The following GNG12 variants were observed in gnomAD, a reference collection of about 807,000 sequenced individuals.
GNG12 encodes the protein guanine nucleotide-binding protein G(I)/G(S)/G(O) subunit gamma-12.
For missense variants in GNG12, 69 were observed against 83.8 expected, an observed-to-expected ratio of 0.82 and a Z score of 0.69; for synonymous variants, 28 against 29.7, an observed-to-expected ratio of 0.94 and a Z score of 0.19.
At chr1:67,721,726 GA>G (rs1646357287) in intron 2 of GNG12, among the ~76,000 whole-genome samples, 1 of 152,268 alleles carries the variant, frequency 6.6e-6, no homozygotes, top group Non-Finnish European at 1.5e-5. Context: ...CCTAAGAAAA[GA>G]GGCAGAATAT....
chr1:67,711,259 C>T (rs1646293829), intron 2 of GNG12, among the ~76,000 whole-genome samples: 1 of 152,190 alleles, frequency 6.6e-6, no homozygotes, highest in African/African-American at 2.4e-5. Flanking sequence ...TGACTTCCCT[C>T]TACCTTTCTC....
chr1:67,788,601 G>A (rs926709208), intron 1 of GNG12, among the ~76,000 whole-genome samples: 2 of 151,814 alleles, frequency 1.3e-5, no homozygotes, highest in Non-Finnish European at 2.9e-5. Context: ...TTGGCCTCCC[G>A]AAGCATAAGG....
chr1:67,712,826 T>C (rs925420500), intron 2 of GNG12, among the ~76,000 whole-genome samples: 2 of 120,006 alleles, frequency 1.7e-5, no homozygotes, highest in Non-Finnish European at 3.5e-5. Flanking sequence ...CTCTACCATG[T>C]GGTTCTTTTT....
At chr1:67,718,450 C>T (rs1050570622) in intron 2 of GNG12, among the ~76,000 whole-genome samples, 2 of 151,862 alleles carry the variant, frequency 1.3e-5, no homozygotes, top group Non-Finnish European at 2.9e-5. Context: ...GTTTTTTGTA[C>T]TAAACCTATG....
intron 2 of GNG12, among the ~76,000 whole-genome samples, chr1:67,745,160 T>C (rs1646501246): frequency 6.6e-6 from 1 of 152,232 alleles, no homozygotes; most frequent in Non-Finnish European, 1.5e-5. Context: ...AACTTTCTCT[T>C]GTATGGGTAC....
chr1:67,729,540 T>A (rs1262950152), intron 2 of GNG12, among the ~76,000 whole-genome samples: 2 of 152,124 alleles, frequency 1.3e-5, no homozygotes, highest in Non-Finnish European at 2.9e-5. Context: ...CCCTTCCGAG[T>A]CCCCTGCATC....
At chr1:67,793,226 A>G (rs969622990) in intron 1 of GNG12, among the ~76,000 whole-genome samples, 1 of 152,220 alleles carries the variant, frequency 6.6e-6, no homozygotes, top group Non-Finnish European at 1.5e-5. Context: ...TTTGAGAAAT[A>G]AGTCAGACTC....
chr1:67,760,742 C>T (rs1229232637), intron 2 of GNG12, among the ~76,000 whole-genome samples: 1 of 152,178 alleles, frequency 6.6e-6, no homozygotes, highest in Non-Finnish European at 1.5e-5. Flanking sequence ...GACTGGGCAC[C>T]TCCTGAGTAA....
intron 2 of GNG12, among the ~76,000 whole-genome samples, chr1:67,736,236 C>T (rs1473637410): frequency 6.6e-6 from 1 of 152,078 alleles, no homozygotes; most frequent in Non-Finnish European, 1.5e-5. Context: ...ACACAACGCC[C>T]ACCTCTTCTT....
intron 1 of GNG12, among the ~76,000 whole-genome samples, chr1:67,832,126 G>C (rs1647050140): frequency 6.6e-6 from 1 of 152,208 alleles, no homozygotes; most frequent in African/African-American, 2.4e-5. Context: ...AAAGACAGCA[G>C]GGGGGAGAGG....
chr1:67,797,633 G>A (rs558715860), intron 1 of GNG12, among the ~76,000 whole-genome samples: 2 of 152,294 alleles, frequency 1.3e-5, no homozygotes, highest in South Asian at 4.1e-4. Context: ...TCTGACTTTT[G>A]AAAAATCCCA....
chr1:67,703,818 A>G lies in GNG12; in HGVS notation c.*1633T>C, dbSNP rs1646229092. 1.3e-5 allele frequency: 2 copies of G among 152,256 alleles called. No homozygotes were observed. Among genetic ancestry groups the G allele is most frequent in the African/African-American group, 4.8e-5 (2 of 41,476 alleles). The allele number at this position is 152,256 out of a possible 1,614,324, so 9.4% of individuals were successfully genotyped here. A position where few individuals can be genotyped will look rare whatever the true frequency, so the allele number is the denominator to read the frequency against. On this transcript the variant is annotated 3_prime_UTR_variant, in exon 4 of 4. Transcript: ENST00000370982. Reference sequence around the variant, plus strand: ...TGCATTTGTCCACCCTAAATGAGCTAATACTCAAAGCCCAGACATTAGATT... The same window carrying G: ...TGCATTTGTCCACCCTAAATGAGCTGATACTCAAAGCCCAGACATTAGATT...
chr1:67,807,346 C>G (rs1220896749), intron 1 of GNG12, among the ~76,000 whole-genome samples: 1 of 151,362 alleles, frequency 6.6e-6, no homozygotes, highest in East Asian at 1.9e-4. Context: ...AGATCTAAAA[C>G]CAGTAATTTA....
chr1:67,813,408 C>T (rs951611607), intron 1 of GNG12, among the ~76,000 whole-genome samples: 3 of 152,150 alleles, frequency 2.0e-5, no homozygotes, highest in African/African-American at 7.2e-5. Flanking sequence ...AATTGGTATG[C>T]TTCCTTTTAA....
At chr1:67,777,383 T>A in intron 2 of GNG12, 75 bp downstream of exon 2, 1 of 201,216 alleles carries the variant, frequency 5.0e-6, no homozygotes, top group Non-Finnish European at 8.9e-6. Context: ...TAGGGAAGCA[T>A]CTAACTTAGA....
intron 2 of GNG12, among the ~76,000 whole-genome samples, chr1:67,728,872 T>C (rs1207542139): frequency 6.6e-6 from 1 of 152,202 alleles, no homozygotes; most frequent in Non-Finnish European, 1.5e-5. Flanking sequence ...GACAGCAAGT[T>C]TTCTGGTTGA....
chr1:67,754,329 G>A (rs905717565), intron 2 of GNG12, among the ~76,000 whole-genome samples: 1 of 152,076 alleles, frequency 6.6e-6, no homozygotes, highest in African/African-American at 2.4e-5. Flanking sequence ...TCCGCCTATT[G>A]TTGTGGTCTC....
chr1:67,736,047 G>A (rs575343897), intron 2 of GNG12, among the ~76,000 whole-genome samples: 3 of 152,182 alleles, frequency 2.0e-5, no homozygotes, highest in East Asian at 1.9e-4. Context: ...ACTTTCTTGC[G>A]GGGGGTAGAT....
At chr1:67,726,779 T>A (rs1646388800) in intron 2 of GNG12, among the ~76,000 whole-genome samples, 1 of 152,248 alleles carries the variant, frequency 6.6e-6, no homozygotes, top group Non-Finnish European at 1.5e-5. Context: ...AGTATAACTC[T>A]ACTTAAGTTC....
Sources: allele counts gnomAD v4.1 joint callset (sites outside exome capture counted in the v4.1 genomes callset), GRCh38; gene constraint gnomAD v4.1.1; transcripts MANE v1.5; gene names NCBI Gene and HGNC (gene_info 2026-07-23, HGNC 2026-07-21).